Variants in RNF216 observed in about 807,000 individuals in gnomAD.
RNF216 encodes ring finger protein 216.
A neutral mutation model predicts 110.8 loss-of-function variants in RNF216; 72 were observed. That is an observed-to-expected ratio of 0.65 (90% CI 0.54 to 0.79). RNF216 has a LOEUF of 0.79. Ranked by LOEUF, RNF216 falls within the 30% of genes least tolerant of loss-of-function variation. The pLI is 0.00. For missense variants in RNF216, 1,342 were observed against 1,141.2 expected (o/e 1.18, Z -2.54); for synonymous variants, 495 against 407.5 (o/e 1.21, Z -2.59).
intron 14 of RNF216, among the ~76,000 whole-genome samples, chr7:5,648,508 G>A (rs1283006382): frequency 6.6e-6 from 1 of 151,510 alleles, no homozygotes; most frequent in Non-Finnish European, 1.5e-5. Flanking sequence ...GGCGGATCAT[G>A]AGGTCAGGAG....
chr7:5,621,818 G>C lies in RNF216; in HGVS notation c.*1042C>G, dbSNP rs1200622758. ...GGGCCGGACAGGAGGCGAGGAGGGTGAGTGGGGACATGGCAGGGCTGAGCT... is the reference window on the plus strand; with the variant it reads ...GGGCCGGACAGGAGGCGAGGAGGGTCAGTGGGGACATGGCAGGGCTGAGCT... On this transcript the variant is annotated 3_prime_UTR_variant, in exon 17 of 17. Coordinates refer to ENST00000389902, the MANE Select transcript of RNF216 (RefSeq NM_207111.4). The C allele has an allele frequency of 1.3e-5, 2 of 152,886 alleles. No homozygotes were observed. The highest frequency in any genetic ancestry group is 2.9e-5 in the Non-Finnish European group (2 of 68,534). The allele number at this position is 152,886 out of a possible 1,614,324, so 9.5% of individuals were successfully genotyped here.
In RNF216 at chr7:5,764,429, C is replaced by T. The variant is rs1010456595; in HGVS notation, c.-69-3291G>A. 2.6e-5 allele frequency among the ~76,000 whole-genome samples: 4 copies of T among 152,192 alleles called. No individual in the cohort carries two copies. In the East Asian group the frequency reaches 5.8e-4, roughly 22 times the overall value. On this transcript the variant is annotated intron_variant, in intron 1 of 16. Transcript: ENST00000389902. ...CTGGGAGGCTGAGGAGAGCGGATCA[C>T]TTGAAGTCAGGAGTTCGAGACCAGC...
intron 4 of RNF216, among the ~76,000 whole-genome samples, chr7:5,740,063 G>A (rs1584546923): frequency 2.7e-5 from 4 of 147,420 alleles, no homozygotes; most frequent in Admixed American, 1.4e-4. Flanking sequence ...TAGGGTTAAC[G>A]GACTTGTTTG....
intron 9 of RNF216, among the ~76,000 whole-genome samples, chr7:5,717,762 A>G (rs1584504483): frequency 6.6e-6 from 1 of 152,218 alleles, no homozygotes; most frequent in East Asian, 1.9e-4. Flanking sequence ...CAGTCGCAGA[A>G]GAGTCTGCCA....
chr7:5,705,715 A>C (rs987812915), intron 13 of RNF216, among the ~76,000 whole-genome samples: 24 of 152,000 alleles, frequency 1.6e-4, no homozygotes, highest in African/African-American at 5.8e-4. Flanking sequence ...TCGAGACCAG[A>C]CGGACCAACA....
chr7:5,701,564 A>T (rs1340528388), intron 13 of RNF216, among the ~76,000 whole-genome samples: 5 of 152,238 alleles, frequency 3.3e-5, no homozygotes, highest in Non-Finnish European at 7.3e-5. Flanking sequence ...AGGTAGGTGC[A>T]ACCGTTCTTA....
chr7:5,779,129 G>T lies in RNF216; in HGVS notation c.-70+2412C>A, dbSNP rs1358965171. ...TATGTCTCTAAAGAGCTAGAATATA[G>T]CAATGCCTAGAATTTTGTAAACACA... is the stretch of plus-strand genomic sequence containing the variant. On this transcript the variant is annotated intron_variant, in intron 1 of 16. Coordinates refer to ENST00000389902, the MANE Select transcript of RNF216 (RefSeq NM_207111.4). 2.6e-5 allele frequency among the ~76,000 whole-genome samples: 4 copies of T among 152,226 alleles called. No homozygotes were observed. The East Asian group carries it at 7.7e-4, about 29-fold the overall frequency.
intron 11 of RNF216, among the ~76,000 whole-genome samples, chr7:5,714,039 G>A (rs921015746): frequency 2.0e-5 from 3 of 152,182 alleles, no homozygotes; most frequent in African/African-American, 7.2e-5. Context: ...GTCTCGCCCT[G>A]TCACCAAGGC....
intron 13 of RNF216, among the ~76,000 whole-genome samples, chr7:5,673,427 AGAG>A (rs1364309853): frequency 6.6e-6 from 1 of 152,220 alleles, no homozygotes; most frequent in East Asian, 1.9e-4. Flanking sequence ...GTTTGCGAGA[AGAG>A]AAGAAGGGGC....
At chr7:5,713,045 A>G (rs937040295) in intron 11 of RNF216, among the ~76,000 whole-genome samples, 182 bp from the exon 12 acceptor site, 2 of 152,236 alleles carry the variant, frequency 1.3e-5, no homozygotes, top group African/African-American at 2.4e-5. Flanking sequence ...TACATCTTTG[A>G]TATCACTAAA....
intron 13 of RNF216, among the ~76,000 whole-genome samples, chr7:5,693,806 G>T (rs1443242267): frequency 1.3e-5 from 2 of 152,134 alleles, no homozygotes; most frequent in Admixed American, 1.3e-4. Flanking sequence ...GTCACCCATG[G>T]CCAGGCAGCC....
At chr7:5,656,508 G>A (rs1788754585) in intron 13 of RNF216, among the ~76,000 whole-genome samples, 1 of 152,112 alleles carries the variant, frequency 6.6e-6, no homozygotes, top group South Asian at 2.1e-4. Context: ...GGGAAACCAC[G>A]GAGTTCACCG....
chr7:5,747,287 T>C (rs1795076772), intron 3 of RNF216, among the ~76,000 whole-genome samples: 1 of 152,206 alleles, frequency 6.6e-6, no homozygotes, highest in Non-Finnish European at 1.5e-5. Context: ...AGAGTCTTAA[T>C]TATAACTTAT....
At chr7:5,685,025 C>T (rs555974554) in intron 13 of RNF216, among the ~76,000 whole-genome samples, 103 of 152,172 alleles carry the variant, frequency 6.8e-4, no homozygotes, top group African/African-American at 2.2e-3. Flanking sequence ...GAAGAGAGTG[C>T]CCAGGATTCT....
chr7:5,725,630 C>T (rs986843880), intron 7 of RNF216, among the ~76,000 whole-genome samples, 192 bp from the exon 8 acceptor site: 2 of 152,056 alleles, frequency 1.3e-5, no homozygotes, highest in Non-Finnish European at 2.9e-5. Context: ...TGGGCAGATC[C>T]CTTGAGGTCA....
At chr7:5,636,419 G>C (rs921098257) in intron 15 of RNF216, among the ~76,000 whole-genome samples, 3 of 152,190 alleles carry the variant, frequency 2.0e-5, no homozygotes, top group African/African-American at 7.2e-5. Context: ...ACTGTGGAGT[G>C]GTAGTTCAGG....
At chr7:5,629,817 ACT>A (rs1268966148) in intron 15 of RNF216, among the ~76,000 whole-genome samples, 1 of 123,110 alleles carries the variant, frequency 8.1e-6, no homozygotes, top group Non-Finnish European at 1.6e-5. Flanking sequence ...ACAGAGCAAG[ACT>A]CTGTCTCAAA....
intron 14 of RNF216, among the ~76,000 whole-genome samples, chr7:5,647,328 C>CTTTTTTTTTTTTTTTTTT (rs10617479): frequency 5.3e-5 from 5 of 94,806 alleles, no homozygotes; most frequent in Admixed American, 1.2e-4. Context: ...TTCTTTCTTT[C>CTTTTTTTTTTTTTTTTTT]TTTTTTTTTT....
intron 5 of RNF216, among the ~76,000 whole-genome samples, chr7:5,733,679 A>AG (rs1350794374): frequency 6.8e-6 from 1 of 147,028 alleles, no homozygotes; most frequent in Non-Finnish European, 1.5e-5. Flanking sequence ...AAAAAAAAAA[A>AG]GGAATTCAAA....
Sources: allele counts gnomAD v4.1 joint callset (sites outside exome capture counted in the v4.1 genomes callset), GRCh38; gene constraint gnomAD v4.1.1; transcripts MANE v1.5; gene names NCBI Gene and HGNC (gene_info 2026-07-23, HGNC 2026-07-21).